The following LAYN variants were observed in gnomAD, a reference collection of about 807,000 sequenced individuals.
The protein encoded by LAYN is layilin.
In LAYN, 38 loss-of-function variants were observed where a neutral mutation model predicts 43.6. That is an observed-to-expected ratio of 0.87 (90% CI 0.67 to 1.14). The LOEUF (loss-of-function observed/expected upper bound fraction) is 1.14, where lower values mean the gene tolerates loss of function less well. LAYN is among the 50% of genes most tolerant of loss of function. The pLI is 0.00. For missense variants in LAYN, 479 were observed against 463.8 expected, an observed-to-expected ratio of 1.03 and a Z score of -0.30; for synonymous variants, 168 against 172.9, an observed-to-expected ratio of 0.97 and a Z score of 0.22.
At chr11:111,541,431 G>T in intron 1 of LAYN, 2 of 805,892 alleles carry the variant, frequency 2.5e-6, no homozygotes, top group Non-Finnish European at 4.1e-6. Flanking sequence ...CTGCGGGGTT[G>T]GATGGCTGGG....
At position 111,560,267 on chromosome 11, in the gene LAYN, G is replaced by T. The variant is rs749522613; in HGVS notation, c.934G>T (p.Gly312Ter). 1 of 1,614,070 alleles carries T rather than the reference G, an allele frequency of 6.2e-7. No individual in the cohort carries two copies. The highest frequency in any genetic ancestry group is 1.3e-5 in the African/African-American group (1 of 74,896). ...LKNISFRVCS[G>*]EATPDDMSCD... Reference sequence around the variant, plus strand: ...GAATATTTCATTCCGAGTGTGTTCGGGAGAAGCCACTCCCGATGACATGTC... The same window carrying T: ...GAATATTTCATTCCGAGTGTGTTCGTGAGAAGCCACTCCCGATGACATGTC... Residue 312 changes from glycine (G) to a stop codon, truncating the protein, a stop_gained, in exon 7 of 7, where the codon GGA becomes TGA. Transcript: ENST00000375614. LOFTEE classifies it high-confidence loss of function.
chr11:111,557,694 G>A, intron 6 of LAYN, 51 bp downstream of exon 6: 1 of 1,410,882 alleles, frequency 7.1e-7, no homozygotes, highest in Non-Finnish European at 1.0e-6. Flanking sequence ...CTCTCTTTGA[G>A]ATTTGGATAT....
In LAYN at chr11:111,552,653, A is replaced by G. The variant is rs557484276; in HGVS notation, c.542-1908A>G. Among the ~76,000 whole-genome samples the G allele has an allele frequency of 3.9e-5, 6 of 152,358 alleles. No individual in the cohort carries two copies. The South Asian group carries it at 8.3e-4, about 21-fold the overall frequency. ...TGCAGGGATTGATGGAAATGCTGCAATGATGTGCCGTTTTTAACTTTGCAC... is the reference window on the plus strand; with the variant it reads ...TGCAGGGATTGATGGAAATGCTGCAGTGATGTGCCGTTTTTAACTTTGCAC... On this transcript the variant is annotated intron_variant, in intron 3 of 6. Coordinates refer to ENST00000375614, the MANE Select transcript of LAYN (RefSeq NM_178834.5).
At chr11:111,545,217 A>G (rs1867629704) in intron 2 of LAYN, among the ~76,000 whole-genome samples, 1 of 152,122 alleles carries the variant, frequency 6.6e-6, no homozygotes, top group East Asian at 1.9e-4. Context: ...GAGAAACTTT[A>G]GAAAGGAGGG....
chr11:111,558,855 T>G (rs1464347540), intron 6 of LAYN, among the ~76,000 whole-genome samples: 1 of 151,450 alleles, frequency 6.6e-6, no homozygotes, highest in Non-Finnish European at 1.5e-5. Context: ...TGGCGCAATC[T>G]CGGCTCACTG....
At position 111,545,852 on chromosome 11, in the gene LAYN, G is replaced by A. The variant is rs148314096; in HGVS notation, c.383+1632G>A. ...AAACACAGGACTGTATAAAGGGCAC[G>A]TGAGTTATTGCCTTTTTCAGAAGTC... On this transcript the variant is annotated intron_variant, in intron 2 of 6. Transcript: ENST00000375614. Among the ~76,000 whole-genome samples the A allele has an allele frequency of 9.4e-4, 143 of 152,302 alleles. 1 individual carries two copies. Among genetic ancestry groups the A allele is most frequent in the African/African-American group, 3.2e-3 (132 of 41,548 alleles).
chr11:111,555,390 C>T (rs1867819355), intron 5 of LAYN, 100 bp downstream of exon 5: 1 of 825,938 alleles, frequency 1.2e-6, no homozygotes, highest in Non-Finnish European at 2.0e-6. Context: ...CCACAGCTAC[C>T]TAAAAATAGA....
chr11:111,540,699 G>T, upstream of LAYN: 1 of 738,090 alleles, frequency 1.4e-6, no homozygotes. Flanking sequence ...GACTGACTCC[G>T]CGCCCTCCCC....
In LAYN at chr11:111,560,371, G is replaced by T. The variant is rs1171819314; in HGVS notation, c.1038G>T (p.Val346=). The change falls in exon 7 of 7, where the codon GTG becomes GTT. Residue 346 remains valine, a synonymous_variant. Transcript: ENST00000375614. ...TGGTGAGCGTGGAGAGTGGATTTGTGACCAATGACATTTATGAGTTCTCCC... is the reference window on the plus strand; with the variant it reads ...TGGTGAGCGTGGAGAGTGGATTTGTTACCAATGACATTTATGAGTTCTCCC... ...VTLVSVESGF[V]TNDIYEFSPD... The T allele has an allele frequency of 1.9e-6, 3 of 1,614,066 alleles. No individual in the cohort carries two copies. Among genetic ancestry groups the T allele is most frequent in the Non-Finnish European group, 1.7e-6 (2 of 1,180,028 alleles).
intron 2 of LAYN, among the ~76,000 whole-genome samples, chr11:111,547,776 G>A (rs1867673355): frequency 6.6e-6 from 1 of 152,188 alleles, no homozygotes; most frequent in South Asian, 2.1e-4. Context: ...GATTCTTTGG[G>A]TCTTTAAGGG....
At chr11:111,541,327 ACCGC>A in intron 1 of LAYN, 1 of 604,622 alleles carries the variant, frequency 1.7e-6, no homozygotes, top group East Asian at 2.8e-5. Context: ...GCCCCCGCCT[ACCGC>A]CCGCTCCGGG....
chr11:111,555,348 A>G (rs1867818315), intron 5 of LAYN, 58 bp downstream of exon 5: 1 of 1,257,540 alleles, frequency 8.0e-7, no homozygotes, highest in Admixed American at 1.8e-5. Context: ...ATTACAAATT[A>G]CCCATGGTTG....
chr11:111,551,334 CCAAT>C (rs1266755594), intron 3 of LAYN: 11 of 456,092 alleles, frequency 2.4e-5, no homozygotes, highest in Non-Finnish European at 4.8e-5. Context: ...TTGGCTAAGT[CCAAT>C]CAGAGACCAA....
rs1353380808 is a variant in LAYN at position 111,544,328 on chromosome 11, G to C, written c.383+108G>C. ...TGGGGAAGAGAAGACCAACCAGGCAGATCTCTGAAGGGAAAGTAGCACCAG... is the reference window on the plus strand; with the variant it reads ...TGGGGAAGAGAAGACCAACCAGGCACATCTCTGAAGGGAAAGTAGCACCAG... On this transcript the variant is annotated intron_variant, in intron 2 of 6. Transcript: ENST00000375614. 5.6e-6 allele frequency: 6 copies of C among 1,076,290 alleles called. No homozygotes were observed. In the African/African-American group the frequency reaches 9.5e-5, roughly 17 times the overall value. The allele number at this position is 1,076,290 out of a possible 1,614,324, so 66.7% of individuals were successfully genotyped here. A position where few individuals can be genotyped will look rare whatever the true frequency, so the allele number is the denominator to read the frequency against.
intron 2 of LAYN, among the ~76,000 whole-genome samples, chr11:111,548,191 G>C (rs1392346214): frequency 1.3e-5 from 2 of 152,132 alleles, no homozygotes; most frequent in African/African-American, 4.8e-5. Context: ...AACAGCCCTT[G>C]TAATATTTGG....
chr11:111,553,713 T>TACAC (rs1491119090), intron 3 of LAYN, among the ~76,000 whole-genome samples: 1 of 87,952 alleles, frequency 1.1e-5, no homozygotes, highest in African/African-American at 4.0e-5. Context: ...TTACATCACC[T>TACAC]ATACACACAC....
intron 2 of LAYN, among the ~76,000 whole-genome samples, chr11:111,546,032 G>A (rs573664938): frequency 6.6e-5 from 10 of 152,196 alleles, no homozygotes; most frequent in African/African-American, 1.9e-4. Flanking sequence ...ATCTGTTGAG[G>A]CCATCCATAG....
At chr11:111,541,032 G>A in intron 1 of LAYN, 104 bp downstream of exon 1, 2 of 1,047,440 alleles carry the variant, frequency 1.9e-6, no homozygotes, top group East Asian at 2.7e-5. Flanking sequence ...CTAGAAGGCC[G>A]TCCCATGCCC....
rs1867960200 is a variant in LAYN, at chr11:111,561,667, T to C, written c.*1209T>C. 1 of 152,216 alleles carries C rather than the reference T, an allele frequency of 6.6e-6. No individual in the cohort carries two copies. The allele number at this position is 152,216 out of a possible 1,614,324, so 9.4% of individuals were successfully genotyped here. On this transcript the variant is annotated 3_prime_UTR_variant, in exon 7 of 7. Coordinates refer to ENST00000375614, the MANE Select transcript of LAYN (RefSeq NM_178834.5). Reference sequence around the variant, plus strand: ...CCTCAATCAGCTTCATAATCTCATATTTTAACCTTTCCTCATATGTCTTAT... The same window carrying C: ...CCTCAATCAGCTTCATAATCTCATACTTTAACCTTTCCTCATATGTCTTAT...
Sources: allele counts gnomAD v4.1 joint callset (sites outside exome capture counted in the v4.1 genomes callset), GRCh38; gene constraint gnomAD v4.1.1; transcripts MANE v1.5; gene names NCBI Gene and HGNC (gene_info 2026-07-23, HGNC 2026-07-21).